PRDM5: variants seen among roughly 807,000 people sequenced by gnomAD.
PRDM5 encodes PR domain zinc finger protein 5.
In PRDM5, 56 loss-of-function variants were observed where a neutral mutation model predicts 81.2. The observed-to-expected ratio is 0.69, with a 90% CI of 0.56 to 0.86. The LOEUF is 0.86. PRDM5 is among the 40% of genes least tolerant of loss of function. The probability of loss-of-function intolerance (pLI) is 0.00; values close to 1 mark genes in which losing one functional copy is unlikely to be tolerated. For synonymous variants in PRDM5, 267 were observed against 256.4 expected (o/e 1.04, Z -0.39); for missense variants, 697 against 770.1 (o/e 0.91, Z 1.12).
In PRDM5 at chr4:120,785,257, CTG is replaced by C. The variant is rs529802003; in HGVS notation, c.1189-168_1189-167del. Among the ~76,000 whole-genome samples the C allele has an allele frequency of 2.0e-3, 306 of 152,160 alleles. 1 individual carries two copies. Among genetic ancestry groups the C allele is most frequent in the African/African-American group, 6.8e-3 (284 of 41,520 alleles). Reference sequence around the variant, plus strand: ...CCGTAAAATTGTAAAGACAAATGTGCTGTGTTTGCAAGAGGAAAAATAACTTT... The same window carrying C: ...CCGTAAAATTGTAAAGACAAATGTGCTGTTTGCAAGAGGAAAAATAACTTT... On this transcript the variant is annotated intron_variant, in intron 10 of 15. Coordinates refer to ENST00000264808, the MANE Select transcript of PRDM5 (RefSeq NM_018699.4).
intron 2 of PRDM5, among the ~76,000 whole-genome samples, chr4:120,856,847 CT>C (rs1318491955): frequency 6.6e-6 from 1 of 152,204 alleles, no homozygotes; most frequent in East Asian, 1.9e-4. Context: ...TATTATGTTA[CT>C]GTCAAGACTT....
At chr4:120,784,360 C>T (rs939195683) in intron 11 of PRDM5, among the ~76,000 whole-genome samples, 4 of 152,012 alleles carry the variant, frequency 2.6e-5, no homozygotes, top group South Asian at 2.1e-4. Context: ...AAGTAGGAAA[C>T]GCACCTCATG....
At chr4:120,795,322 C>A (rs1751189727) in intron 10 of PRDM5, among the ~76,000 whole-genome samples, 1 of 152,084 alleles carries the variant, frequency 6.6e-6, no homozygotes. Context: ...CCAAATTTTG[C>A]TTTGCATTAT....
intron 10 of PRDM5, among the ~76,000 whole-genome samples, chr4:120,785,460 C>A (rs1174278011): frequency 6.6e-6 from 1 of 152,140 alleles, no homozygotes; most frequent in Non-Finnish European, 1.5e-5. Flanking sequence ...TTTTACTCTG[C>A]TGGTACAACA....
intron 2 of PRDM5, among the ~76,000 whole-genome samples, chr4:120,901,281 C>T (rs1440278913): frequency 1.3e-5 from 2 of 152,074 alleles, no homozygotes; most frequent in East Asian, 3.9e-4. Flanking sequence ...TTATCCAGTC[C>T]ACAAAATCAG....
chr4:120,786,940 C>T (rs780130402), intron 10 of PRDM5, among the ~76,000 whole-genome samples: 2 of 152,202 alleles, frequency 1.3e-5, no homozygotes, highest in African/African-American at 2.4e-5. Flanking sequence ...CATGCCTCTA[C>T]TAGCAAGTCC....
intron 3 of PRDM5, chr4:120,837,866 ATACAG>A (rs1757540165): frequency 6.6e-6 from 1 of 152,192 alleles, no homozygotes; most frequent in African/African-American, 2.4e-5. Flanking sequence ...CATAAAGTGT[ATACAG>A]CCATATCTCA....
chr4:120,770,428 A>ACC (rs1360611738), intron 13 of PRDM5, among the ~76,000 whole-genome samples: 1 of 151,728 alleles, frequency 6.6e-6, no homozygotes, highest in Non-Finnish European at 1.5e-5. Context: ...ATATTTATTA[A>ACC]CATTTCACCA....
intron 6 of PRDM5, 31 bp downstream of exon 6, chr4:120,816,801 T>A (rs1325345037): frequency 2.5e-6 from 4 of 1,583,836 alleles, no homozygotes; most frequent in Non-Finnish European, 3.5e-6. Context: ...CACAATTATA[T>A]AACAGCCATT....
intron 8 of PRDM5, among the ~76,000 whole-genome samples, chr4:120,802,906 T>C (rs1319071526): frequency 6.6e-6 from 1 of 152,104 alleles, no homozygotes; most frequent in Non-Finnish European, 1.5e-5. Context: ...ATCAAACTTC[T>C]CCGAGCTAAA....
chr4:120,812,295 A>G (rs993096090), intron 7 of PRDM5, among the ~76,000 whole-genome samples: 1 of 152,132 alleles, frequency 6.6e-6, no homozygotes, highest in Admixed American at 6.5e-5. Flanking sequence ...TCACTGGGGT[A>G]TATATCTACA....
At chr4:120,786,262 G>A (rs1749750431) in intron 10 of PRDM5, among the ~76,000 whole-genome samples, 1 of 151,976 alleles carries the variant, frequency 6.6e-6, no homozygotes, top group African/African-American at 2.4e-5. Context: ...TTTCATGTTT[G>A]GTTTTATTTG....
intron 14 of PRDM5, among the ~76,000 whole-genome samples, chr4:120,740,703 C>A (rs1280030304): frequency 6.6e-6 from 1 of 152,172 alleles, no homozygotes; most frequent in Non-Finnish European, 1.5e-5. Context: ...CACCTGGCTC[C>A]ATCGTGTCTC....
At chr4:120,772,139 A>C (rs1318318838) in intron 13 of PRDM5, among the ~76,000 whole-genome samples, 1 of 152,164 alleles carries the variant, frequency 6.6e-6, no homozygotes, top group Non-Finnish European at 1.5e-5. Flanking sequence ...GTATAACAGG[A>C]AACACCCTGA....
chr4:120,720,854 G>A (rs1410160478), intron 14 of PRDM5, among the ~76,000 whole-genome samples: 1 of 152,190 alleles, frequency 6.6e-6, no homozygotes, highest in South Asian at 2.1e-4. Context: ...AATTGGTTTT[G>A]CATTGTAGCT....
chr4:120,723,793 T>C (rs1321317353), intron 14 of PRDM5, among the ~76,000 whole-genome samples: 1 of 152,102 alleles, frequency 6.6e-6, no homozygotes, highest in African/African-American at 2.4e-5. Flanking sequence ...AATAATAAAT[T>C]GTCAGAGTTG....
chr4:120,896,774 C>T (rs1764669820), intron 2 of PRDM5: 1 of 152,144 alleles, frequency 6.6e-6, no homozygotes, highest in African/African-American at 2.4e-5. Flanking sequence ...GCCTCCACCT[C>T]CCAGGTTCAC....
chr4:120,786,521 A>C (rs1749784552), intron 10 of PRDM5, among the ~76,000 whole-genome samples: 1 of 152,154 alleles, frequency 6.6e-6, no homozygotes, highest in Admixed American at 6.6e-5. Context: ...TTTGAGGCAA[A>C]CGTCCAGATA....
intron 4 of PRDM5, among the ~76,000 whole-genome samples, chr4:120,820,064 C>G (rs1405076027): frequency 1.3e-5 from 2 of 152,206 alleles, no homozygotes; most frequent in Non-Finnish European, 2.9e-5. Flanking sequence ...AAGTATCAGC[C>G]TGCTATGGTC....
Sources: gnomAD v4.1 joint callset for allele counts (sites outside exome capture counted in the v4.1 genomes callset) on GRCh38, gnomAD v4.1.1 for gene constraint, MANE v1.5 for transcripts, NCBI Gene and HGNC (gene_info 2026-07-23, HGNC 2026-07-21) for gene names.